Variants in ARHGAP15 observed in about 807,000 individuals in gnomAD.
ARHGAP15 encodes the protein Rho GTPase activating protein 15.
Under a neutral mutation model 63.7 loss-of-function variants are expected in ARHGAP15, and 51 were observed. The ratio of observed to expected loss-of-function variants is 0.80; its 90% CI spans 0.64 to 1.01. The LOEUF is 1.01. Among genes scored for constraint, ARHGAP15 ranks in the 50% least tolerant of loss-of-function variants. ARHGAP15 has a pLI of 0.00. For missense variants in ARHGAP15, 560 were observed against 564.6 expected (o/e 0.99, Z 0.08); for synonymous variants, 191 against 193.8 (o/e 0.99, Z 0.12).
intron 11 of ARHGAP15, among the ~76,000 whole-genome samples, chr2:143,595,659 C>T (rs1697487470): frequency 6.6e-6 from 1 of 152,024 alleles, no homozygotes; most frequent in Non-Finnish European, 1.5e-5. Context: ...TAAATGTGTA[C>T]ATATTGGGGC....
At chr2:143,746,469 G>A (rs534996902) in intron 13 of ARHGAP15, among the ~76,000 whole-genome samples, 9 of 152,238 alleles carry the variant, frequency 5.9e-5, no homozygotes, top group Admixed American at 2.0e-4. Context: ...TGTTGACAGC[G>A]TTGTTCTGAC....
intron 6 of ARHGAP15, among the ~76,000 whole-genome samples, chr2:143,331,040 C>T (rs1484299606): frequency 6.6e-6 from 1 of 152,046 alleles, no homozygotes; most frequent in African/African-American, 2.4e-5. Flanking sequence ...TCATTTATTT[C>T]AGCTTCAAAA....
intron 3 of ARHGAP15, among the ~76,000 whole-genome samples, chr2:143,207,425 C>A (rs1325392960): frequency 6.6e-6 from 1 of 151,618 alleles, no homozygotes; most frequent in African/African-American, 2.4e-5. Context: ...TTGCTGCATA[C>A]CCGAATATTT....
At chr2:143,222,785 G>T (rs1693050525) in intron 4 of ARHGAP15, among the ~76,000 whole-genome samples, 1 of 151,940 alleles carries the variant, frequency 6.6e-6, no homozygotes, top group Non-Finnish European at 1.5e-5. Context: ...CACAATTCAG[G>T]ATTTGCTTTA....
chr2:143,676,519 G>A (rs1682833157), intron 12 of ARHGAP15: 1 of 152,104 alleles, frequency 6.6e-6, no homozygotes. Flanking sequence ...CCACTTAGAG[G>A]TCATTGTAGG....
intron 10 of ARHGAP15, among the ~76,000 whole-genome samples, chr2:143,542,128 G>A (rs1411624348): frequency 6.6e-6 from 1 of 152,166 alleles, no homozygotes; most frequent in African/African-American, 2.4e-5. Flanking sequence ...ATCTCAGAAT[G>A]CCATGCTAGC....
At chr2:143,408,020 T>C (rs1303198260) in intron 6 of ARHGAP15, among the ~76,000 whole-genome samples, 1 of 111,888 alleles carries the variant, frequency 8.9e-6, no homozygotes, top group Non-Finnish European at 1.8e-5. Context: ...TATATATATA[T>C]ATATATATAT....
At chr2:143,425,229 G>A (rs1374228201) in intron 6 of ARHGAP15, among the ~76,000 whole-genome samples, 1 of 151,992 alleles carries the variant, frequency 6.6e-6, no homozygotes, top group Non-Finnish European at 1.5e-5. Context: ...TCCTTATTAG[G>A]TGGGTGGCCT....
rs111528990 is a variant in ARHGAP15, at chr2:143,739,946, C to T, written c.1245-28043C>T. ...TTCCATTTGGTCTCCAACTTCCCAC[C>T]GTGTCATTCTGCCCCAACACTCTAC... On this transcript the variant is annotated intron_variant, in intron 13 of 13. Coordinates refer to ENST00000295095, the MANE Select transcript of ARHGAP15 (RefSeq NM_018460.4). Among the ~76,000 whole-genome samples the T allele has an allele frequency of 1.2e-4, 19 of 152,286 alleles. 1 individual carries two copies. Among genetic ancestry groups the T allele is most frequent in the African/African-American group, 4.1e-4 (17 of 41,560 alleles).
chr2:143,571,175 G>A (rs1696438513), intron 11 of ARHGAP15, among the ~76,000 whole-genome samples: 1 of 152,006 alleles, frequency 6.6e-6, no homozygotes, highest in South Asian at 2.1e-4. Context: ...TTTATTTGCA[G>A]GAAAAAAAGC....
At chr2:143,383,462 CTA>C (rs1292976784) in intron 6 of ARHGAP15, among the ~76,000 whole-genome samples, 21 of 152,128 alleles carry the variant, frequency 1.4e-4, no homozygotes, top group African/African-American at 5.1e-4. Context: ...TACAAATCCT[CTA>C]TTGTTAATAA....
At chr2:143,352,217 G>A (rs114938830) in intron 6 of ARHGAP15, among the ~76,000 whole-genome samples, 194 of 152,068 alleles carry the variant, frequency 1.3e-3, no homozygotes, top group African/African-American at 4.4e-3. Flanking sequence ...TATATTTTCC[G>A]GGGAAATTTA....
intron 11 of ARHGAP15, among the ~76,000 whole-genome samples, chr2:143,602,405 A>G (rs1559074370): frequency 6.6e-6 from 1 of 152,160 alleles, no homozygotes; most frequent in Non-Finnish European, 1.5e-5. Context: ...ATCGAAATAC[A>G]GTTGCATTCC....
intron 1 of ARHGAP15, among the ~76,000 whole-genome samples, chr2:143,142,150 A>G (rs971601782): frequency 1.3e-5 from 2 of 152,058 alleles, no homozygotes; most frequent in South Asian, 4.1e-4. Context: ...ATTCCAAAAC[A>G]TTGTTCAGGC....
At chr2:143,186,656 G>A (rs979377638) in intron 2 of ARHGAP15, among the ~76,000 whole-genome samples, 19 of 152,046 alleles carry the variant, frequency 1.2e-4, no homozygotes, top group Non-Finnish European at 8.8e-5. Context: ...TCCCCTAAAT[G>A]AACCACAGAG....
At chr2:143,381,640 A>T (rs1447586832) in intron 6 of ARHGAP15, among the ~76,000 whole-genome samples, 6 of 152,106 alleles carry the variant, frequency 3.9e-5, no homozygotes, top group African/African-American at 1.4e-4. Flanking sequence ...TTGGGGGAGC[A>T]GTTCCTGGGT....
At chr2:143,540,345 G>A (rs559263462) in intron 10 of ARHGAP15, among the ~76,000 whole-genome samples, 64 of 152,308 alleles carry the variant, frequency 4.2e-4, no homozygotes, top group African/African-American at 1.4e-3. Context: ...TTGCCAGTCT[G>A]TGCCTTTTAA....
chr2:143,675,239 G>C (rs1178448846), intron 12 of ARHGAP15, among the ~76,000 whole-genome samples: 2 of 152,150 alleles, frequency 1.3e-5, no homozygotes, highest in Admixed American at 1.3e-4. Flanking sequence ...TCTACTTCTA[G>C]TTTTAGTTCT....
chr2:143,336,619 GA>G (rs1364567529), intron 6 of ARHGAP15, among the ~76,000 whole-genome samples: 2 of 152,090 alleles, frequency 1.3e-5, no homozygotes, highest in African/African-American at 2.4e-5. Flanking sequence ...TTTAATTGGT[GA>G]TGATGTGGGT....
Sources: gnomAD v4.1 joint callset for allele counts (sites outside exome capture counted in the v4.1 genomes callset) on GRCh38, gnomAD v4.1.1 for gene constraint, MANE v1.5 for transcripts, NCBI Gene and HGNC (gene_info 2026-07-23, HGNC 2026-07-21) for gene names.